Variants in GRIK2 observed in about 807,000 individuals in gnomAD.
The protein encoded by GRIK2 is glutamate ionotropic receptor kainate type subunit 2.
A neutral mutation model predicts 100.3 loss-of-function variants in GRIK2; 32 were observed. The observed-to-expected ratio is 0.32, with a 90% CI of 0.24 to 0.43. GRIK2 has a LOEUF of 0.43. GRIK2 is among the 20% of genes least tolerant of loss of function. The probability of loss-of-function intolerance (pLI) is 1.00; values close to 1 mark genes in which losing one functional copy is unlikely to be tolerated. For synonymous variants in GRIK2, 417 were observed against 389.4 expected (o/e 1.07, Z -0.83); for missense variants, 843 against 1,114.9 (o/e 0.76, Z 3.47).
At chr6:101,400,710 T>A (rs1055293436) in intron 2 of GRIK2, among the ~76,000 whole-genome samples, 1 of 152,172 alleles carries the variant, frequency 6.6e-6, no homozygotes, top group South Asian at 2.1e-4. Context: ...CCATCTCTCC[T>A]AGGCTTTGTA....
intron 10 of GRIK2, among the ~76,000 whole-genome samples, chr6:101,831,101 C>A (rs577928957): frequency 6.6e-6 from 1 of 151,944 alleles, no homozygotes; most frequent in Admixed American, 6.6e-5. Flanking sequence ...GCACATGTAA[C>A]CCCTGAATCT....
chr6:101,972,525 A>T (rs1793112829), intron 14 of GRIK2, among the ~76,000 whole-genome samples: 2 of 149,646 alleles, frequency 1.3e-5, no homozygotes, highest in African/African-American at 5.0e-5. Context: ...GCAGTTTGTG[A>T]ATGTTTTCTT....
At chr6:101,513,767 A>G (rs779995932) in intron 2 of GRIK2, among the ~76,000 whole-genome samples, 11 of 152,172 alleles carry the variant, frequency 7.2e-5, no homozygotes, top group Non-Finnish European at 1.3e-4. Flanking sequence ...GTGCTGTGAG[A>G]GAAATGTTTA....
At chr6:101,878,214 A>G (rs1269553157) in intron 11 of GRIK2, among the ~76,000 whole-genome samples, 1 of 150,978 alleles carries the variant, frequency 6.6e-6, no homozygotes, top group African/African-American at 2.4e-5. Flanking sequence ...AAATGAAAAC[A>G]TAAACTCAGG....
intron 15 of GRIK2, among the ~76,000 whole-genome samples, chr6:102,052,987 G>A (rs1386183842): frequency 1.3e-5 from 2 of 151,960 alleles, no homozygotes; most frequent in African/African-American, 4.8e-5. Flanking sequence ...AGAATCACTT[G>A]AGCCTGGGAG....
At chr6:101,508,242 C>T (rs1236074793) in intron 2 of GRIK2, among the ~76,000 whole-genome samples, 1 of 151,990 alleles carries the variant, frequency 6.6e-6, no homozygotes, top group Non-Finnish European at 1.5e-5. Context: ...TTATTGACTT[C>T]CCACACTACC....
chr6:101,462,202 T>C (rs1174913824), intron 2 of GRIK2, among the ~76,000 whole-genome samples: 1 of 152,240 alleles, frequency 6.6e-6, no homozygotes, highest in Non-Finnish European at 1.5e-5. Flanking sequence ...ATGGTAGAAC[T>C]ATACATTGCT....
At chr6:101,543,362 G>A (rs1776094258) in intron 2 of GRIK2, among the ~76,000 whole-genome samples, 1 of 152,112 alleles carries the variant, frequency 6.6e-6, no homozygotes, top group Non-Finnish European at 1.5e-5. Context: ...TAACAACCTG[G>A]AAAATGTAAA....
intron 2 of GRIK2, among the ~76,000 whole-genome samples, chr6:101,439,302 A>T (rs1196665759): frequency 6.6e-6 from 1 of 152,160 alleles, no homozygotes; most frequent in Non-Finnish European, 1.5e-5. Flanking sequence ...CATGGTTCAA[A>T]GTAACAGCTT....
intron 10 of GRIK2, among the ~76,000 whole-genome samples, chr6:101,818,725 A>T (rs1351091902): frequency 6.6e-6 from 1 of 152,158 alleles, no homozygotes; most frequent in African/African-American, 2.4e-5. Flanking sequence ...GTATTACTGG[A>T]AATCTTTTCA....
intron 14 of GRIK2, among the ~76,000 whole-genome samples, chr6:102,007,635 A>G (rs760811262): frequency 6.6e-6 from 1 of 152,150 alleles, no homozygotes; most frequent in African/African-American, 2.4e-5. Context: ...AAACAATGCA[A>G]TTGTTGAAAC....
At chr6:101,431,786 A>G (rs1769416660) in intron 2 of GRIK2, among the ~76,000 whole-genome samples, 1 of 152,184 alleles carries the variant, frequency 6.6e-6, no homozygotes, top group Non-Finnish European at 1.5e-5. Flanking sequence ...AGTATTATTA[A>G]AGGGGAGACA....
intron 14 of GRIK2, among the ~76,000 whole-genome samples, chr6:101,947,059 G>A (rs367933571): frequency 6.6e-6 from 1 of 152,086 alleles, no homozygotes; most frequent in Non-Finnish European, 1.5e-5. Context: ...AAGAGTCAAA[G>A]AAATAATTTA....
chr6:101,620,291 T>C (rs1013139038), intron 2 of GRIK2: 16 of 435,142 alleles, frequency 3.7e-5, no homozygotes, highest in Admixed American at 6.4e-5. Flanking sequence ...ATTAGACACA[T>C]ATAATTATTA....
At chr6:101,419,066 A>G (rs982022480) in intron 2 of GRIK2, among the ~76,000 whole-genome samples, 1 of 152,178 alleles carries the variant, frequency 6.6e-6, no homozygotes, top group African/African-American at 2.4e-5. Flanking sequence ...TCCTTCACTA[A>G]TCTTCCTCTT....
At chr6:102,003,927 G>A (rs1479667691) in intron 14 of GRIK2, among the ~76,000 whole-genome samples, 1 of 151,578 alleles carries the variant, frequency 6.6e-6, no homozygotes, top group East Asian at 1.9e-4. Flanking sequence ...TAATCATATT[G>A]ACTAGGTATT....
chr6:101,682,422 C>T, intron 5 of GRIK2, 131 bp from the exon 6 acceptor site: 3 of 626,928 alleles, frequency 4.8e-6, no homozygotes, highest in South Asian at 1.9e-5. Context: ...TTAGTTTAAC[C>T]TAATTGTATG....
At chr6:101,655,256 C>T (rs1782002086) in intron 4 of GRIK2, among the ~76,000 whole-genome samples, 1 of 152,124 alleles carries the variant, frequency 6.6e-6, no homozygotes, top group Admixed American at 6.6e-5. Context: ...AATTTGTATG[C>T]TGGCCAGAAT....
chr6:102,026,875 A>G (rs1156321046), intron 14 of GRIK2, among the ~76,000 whole-genome samples: 2 of 151,280 alleles, frequency 1.3e-5, no homozygotes, highest in African/African-American at 4.8e-5. Flanking sequence ...CTGGACTCAG[A>G]TCCACCTTTG....
Sources: allele counts gnomAD v4.1 joint callset (sites outside exome capture counted in the v4.1 genomes callset), GRCh38; gene constraint gnomAD v4.1.1; transcripts MANE v1.5; gene names NCBI Gene and HGNC (gene_info 2026-07-23, HGNC 2026-07-21).